Variants in TAS2R1 observed in about 807,000 individuals in gnomAD.
TAS2R1 encodes taste 2 receptor member 1.
For synonymous variants in TAS2R1, 141 were observed against 134.2 expected, an observed-to-expected ratio of 1.05 and a Z score of -0.35; for missense variants, 370 against 353.4, an observed-to-expected ratio of 1.05 and a Z score of -0.38.
At chr5:9,777,446 G>A in the TAS2R1 span, among the ~76,000 whole-genome samples, 9 of 152,224 alleles carry the variant, frequency 5.9e-5, no homozygotes, top group Non-Finnish European at 1.0e-4. Context: ...TGACATTGAA[G>A]CAATTCAGTC....
chr5:9,750,419 G>T, the TAS2R1 span, among the ~76,000 whole-genome samples: 3 of 152,088 alleles, frequency 2.0e-5, no homozygotes, highest in African/African-American at 7.2e-5. Context: ...TAAATGATTT[G>T]CTCTGAACGT....
chr5:9,766,089 T>C, the TAS2R1 span, among the ~76,000 whole-genome samples: 2 of 152,204 alleles, frequency 1.3e-5, 1 homozygote, highest in Non-Finnish European at 2.9e-5. Flanking sequence ...AATTAAATTG[T>C]ATGCAGGAAT....
At chr5:9,780,629 T>C in the TAS2R1 span, among the ~76,000 whole-genome samples, 1 of 152,220 alleles carries the variant, frequency 6.6e-6, no homozygotes, top group South Asian at 2.1e-4. Context: ...GCTTCAATTC[T>C]ATCTGTACCA....
the TAS2R1 span, among the ~76,000 whole-genome samples, chr5:9,877,372 A>G: frequency 6.6e-6 from 1 of 152,222 alleles, no homozygotes; most frequent in Non-Finnish European, 1.5e-5. Flanking sequence ...TATGGAAAGG[A>G]AGGAGAAATA....
the TAS2R1 span, among the ~76,000 whole-genome samples, chr5:9,792,544 G>A: frequency 6.6e-6 from 1 of 152,130 alleles, no homozygotes; most frequent in Non-Finnish European, 1.5e-5. Context: ...GGCAGCTATT[G>A]ACAACACGAC....
At chr5:9,794,257 C>T in the TAS2R1 span, among the ~76,000 whole-genome samples, 2 of 152,142 alleles carry the variant, frequency 1.3e-5, no homozygotes, top group East Asian at 3.9e-4. Context: ...TTTAAGTTTG[C>T]AAAGAGTCTT....
the TAS2R1 span, among the ~76,000 whole-genome samples, chr5:9,892,131 G>A: frequency 6.6e-6 from 1 of 152,112 alleles, no homozygotes; most frequent in African/African-American, 2.4e-5. Context: ...ACCCAGGAGG[G>A]GCAGATTTAG....
the TAS2R1 span, among the ~76,000 whole-genome samples, chr5:9,767,293 C>G: frequency 1.3e-5 from 2 of 152,020 alleles, no homozygotes; most frequent in East Asian, 3.9e-4. Flanking sequence ...ATATGCAAAC[C>G]ATATCCTGAC....
the TAS2R1 span, among the ~76,000 whole-genome samples, chr5:9,827,311 A>G: frequency 1.3e-5 from 2 of 152,114 alleles, no homozygotes; most frequent in African/African-American, 4.8e-5. Flanking sequence ...ATCGCTGTAC[A>G]TCCATTTGTC....
the TAS2R1 span, among the ~76,000 whole-genome samples, chr5:9,839,934 C>G: frequency 6.6e-6 from 1 of 152,178 alleles, no homozygotes; most frequent in Non-Finnish European, 1.5e-5. Context: ...AGCCCCTTTG[C>G]AGGCCAAACC....
chr5:9,748,902 T>C, the TAS2R1 span, among the ~76,000 whole-genome samples: 2 of 152,104 alleles, frequency 1.3e-5, no homozygotes, highest in Non-Finnish European at 2.9e-5. Flanking sequence ...CTTCTGTAGC[T>C]TCTCAAGAGC....
At chr5:9,878,211 C>T in the TAS2R1 span, among the ~76,000 whole-genome samples, 2 of 152,132 alleles carry the variant, frequency 1.3e-5, no homozygotes. Flanking sequence ...TAAAATGGTT[C>T]ATCTTGAACA....
At chr5:9,803,681 C>A in the TAS2R1 span, among the ~76,000 whole-genome samples, 2 of 152,142 alleles carry the variant, frequency 1.3e-5, 1 homozygote, top group South Asian at 4.1e-4. Context: ...CTTTTCCAGA[C>A]AAACAAATGC....
At chr5:9,775,875 G>A in the TAS2R1 span, among the ~76,000 whole-genome samples, 97 of 152,128 alleles carry the variant, frequency 6.4e-4, no homozygotes, top group Non-Finnish European at 8.8e-4. Context: ...AAATAAAAAG[G>A]AATCTCTCCC....
At chr5:9,732,141 C>T in the TAS2R1 span, among the ~76,000 whole-genome samples, 1 of 152,090 alleles carries the variant, frequency 6.6e-6, no homozygotes, top group Admixed American at 6.6e-5. Context: ...AACAGAGATC[C>T]AACTGGTGGG....
At chr5:9,860,288 C>T in the TAS2R1 span, among the ~76,000 whole-genome samples, 6 of 152,110 alleles carry the variant, frequency 3.9e-5, no homozygotes, top group Admixed American at 6.6e-5. Flanking sequence ...ATGACACCAG[C>T]GCATCACAAT....
chr5:9,862,663 C>T, the TAS2R1 span, among the ~76,000 whole-genome samples: 42,609 of 151,886 alleles, frequency 0.28, 6,272 homozygotes, highest in South Asian at 0.42. Flanking sequence ...AATGCAGTGG[C>T]GTGATCTCAG....
chr5:9,890,159 A>C, the TAS2R1 span, among the ~76,000 whole-genome samples: 2 of 152,198 alleles, frequency 1.3e-5, no homozygotes, highest in Non-Finnish European at 2.9e-5. Context: ...TTTCATGAAC[A>C]AGTTGAGTTG....
the TAS2R1 span, among the ~76,000 whole-genome samples, chr5:9,886,557 C>T: frequency 6.6e-6 from 1 of 151,960 alleles, no homozygotes; most frequent in Non-Finnish European, 1.5e-5. Flanking sequence ...TGGTCTCCAA[C>T]TCCTGACCTC....
Sources: gnomAD v4.1 joint callset for allele counts (sites outside exome capture counted in the v4.1 genomes callset) on GRCh38, gnomAD v4.1.1 for gene constraint, MANE v1.5 for transcripts, NCBI Gene and HGNC (gene_info 2026-07-23, HGNC 2026-07-21) for gene names.